Variants in NLRP5 observed in about 807,000 individuals in gnomAD.
NLRP5 encodes NACHT, LRR and PYD domains-containing protein 5.
A neutral mutation model predicts 113.1 loss-of-function variants in NLRP5; 93 were observed. The ratio of observed to expected loss-of-function variants is 0.82; its 90% CI spans 0.70 to 0.98. The LOEUF is 0.98. NLRP5 is among the 50% of genes least tolerant of loss of function. NLRP5 has a pLI of 0.00. For synonymous variants in NLRP5, 751 were observed against 600.7 expected (o/e 1.25, Z -3.66); for missense variants, 1,808 against 1,514.3 (o/e 1.19, Z -3.22).
chr19:55,990,703 T>G, the NLRP5 span, among the ~76,000 whole-genome samples: 1 of 152,044 alleles, frequency 6.6e-6, no homozygotes, highest in Admixed American at 6.6e-5. Context: ...TGGGCGCCTG[T>G]AGTCCCAGCT....
At chr19:56,059,977 C>T (rs762827094) in intron 14 of NLRP5, among the ~76,000 whole-genome samples, 1 of 151,902 alleles carries the variant, frequency 6.6e-6, no homozygotes, top group African/African-American at 2.4e-5. Context: ...TGTGGTAGAC[C>T]CTGGAATCAT....
chr19:56,005,703 C>T (rs1011772548), intron 2 of NLRP5, among the ~76,000 whole-genome samples: 1 of 152,190 alleles, frequency 6.6e-6, no homozygotes, highest in African/African-American at 2.4e-5. Context: ...GCATTAGCTG[C>T]AAAACGCTTC....
rs1251579019 is a variant in NLRP5 at position 56,030,711 on chromosome 19, C to CTTTTTTTT, written c.2277-1898_2277-1897insTTTTTTTT. Among the ~76,000 whole-genome samples, 417 of 47,660 alleles carry CTTTTTTTT rather than the reference C, an allele frequency of 8.7e-3. 34 individuals are homozygous for CTTTTTTTT. Among genetic ancestry groups the CTTTTTTTT allele is most frequent in the Non-Finnish European group, 9.2e-3 (291 of 31,754 alleles). The allele number at this position is 47,660 out of a possible 152,430, so 31.3% of individuals were successfully genotyped here. A position where few individuals can be genotyped will look rare whatever the true frequency, so the allele number is the denominator to read the frequency against. ...TATACTTACATTCATTCGCTTTCTT[C>CTTTTTTTT]TTCTTTTTTTTTTTTTTTTTTGAGA... On this transcript the variant is annotated intron_variant, in intron 7 of 14. Transcript: ENST00000390649.
chr19:56,058,427 T>A lies in NLRP5; in HGVS notation c.3470+17T>A. ...GATAATTGGGTAAGTCGCCAGCAATTGTCTTCTGAGATACAGACCTGCTTC... is the reference window on the plus strand; with the variant it reads ...GATAATTGGGTAAGTCGCCAGCAATAGTCTTCTGAGATACAGACCTGCTTC... On this transcript the variant is annotated intron_variant, in intron 14 of 14. Coordinates refer to ENST00000390649, the MANE Select transcript of NLRP5 (RefSeq NM_153447.4). 6.3e-7 allele frequency: 1 copy of A among 1,599,202 alleles called. No homozygotes were observed. Among genetic ancestry groups the A allele is most frequent in the Non-Finnish European group, 8.5e-7 (1 of 1,172,030 alleles).
chr19:56,015,330 G>C (rs1197207220), intron 3 of NLRP5, among the ~76,000 whole-genome samples: 1 of 152,008 alleles, frequency 6.6e-6, no homozygotes, highest in Non-Finnish European at 1.5e-5. Context: ...CAGTAGATGG[G>C]ATTACAGGCA....
At chr19:55,991,086 G>GT in the NLRP5 span, among the ~76,000 whole-genome samples, 1 of 152,178 alleles carries the variant, frequency 6.6e-6, no homozygotes, top group South Asian at 2.1e-4. Flanking sequence ...ATTTGCAGCA[G>GT]TTTTTTCAGC....
chr19:56,046,227 A>T (rs973018245), intron 11 of NLRP5, among the ~76,000 whole-genome samples: 1 of 152,014 alleles, frequency 6.6e-6, no homozygotes, highest in South Asian at 2.1e-4. Context: ...TTTTATTTTT[A>T]ATTCAGTTTA....
intron 6 of NLRP5, 74 bp from the exon 7 acceptor site, chr19:56,026,839 G>A (rs967480704): frequency 6.8e-6 from 10 of 1,464,316 alleles, no homozygotes; most frequent in Admixed American, 2.1e-5. Context: ...ACCTCCCACA[G>A]TGCTGGGATG....
chr19:56,007,891 G>GCA (rs1568483033), intron 2 of NLRP5, among the ~76,000 whole-genome samples: 34 of 39,822 alleles, frequency 8.5e-4, no homozygotes, highest in Admixed American at 4.4e-3. Context: ...GTGTGTGTGC[G>GCA]CGTGCGCGCG....
intron 9 of NLRP5, among the ~76,000 whole-genome samples, chr19:56,036,055 A>ATTTTTTTTTTTT (rs1261118713): frequency 2.2e-5 from 2 of 90,582 alleles, no homozygotes; most frequent in African/African-American, 9.8e-5. Flanking sequence ...ATGAATTGAG[A>ATTTTTTTTTTTT]TTCTTTTTTT....
At chr19:56,049,477 A>G (rs1309870866) in intron 11 of NLRP5, among the ~76,000 whole-genome samples, 1 of 151,920 alleles carries the variant, frequency 6.6e-6, no homozygotes, top group Non-Finnish European at 1.5e-5. Flanking sequence ...CACCGTGCCC[A>G]GCCTGTATTT....
intron 5 of NLRP5, among the ~76,000 whole-genome samples, chr19:56,019,763 A>G (rs1387182667): frequency 6.6e-6 from 1 of 152,100 alleles, no homozygotes; most frequent in African/African-American, 2.4e-5. Flanking sequence ...CTATCAACTA[A>G]TATGTACATG....
the NLRP5 span, among the ~76,000 whole-genome samples, chr19:55,990,742 A>G: frequency 2.0e-5 from 3 of 152,030 alleles, no homozygotes; most frequent in African/African-American, 7.2e-5. Flanking sequence ...GGAGAATGGC[A>G]GGAACCCGGG....
intron 3 of NLRP5, among the ~76,000 whole-genome samples, chr19:56,010,697 G>A (rs182824662): frequency 2.4e-5 from 3 of 126,266 alleles, no homozygotes; most frequent in Admixed American, 9.3e-5. Flanking sequence ...AGGTTGTGGT[G>A]AGCCACTGCA....
At chr19:55,987,889 C>T in the NLRP5 span, 1 of 1,613,848 alleles carries the variant, frequency 6.2e-7, no homozygotes, top group East Asian at 2.2e-5. Flanking sequence ...GAAAAAGTGA[C>T]TGCCTATCCC....
At chr19:56,055,655 C>T (rs145479613) in intron 13 of NLRP5, among the ~76,000 whole-genome samples, 15,282 of 149,424 alleles carry the variant, frequency 0.1, 838 homozygotes, top group African/African-American at 0.14. Flanking sequence ...ACCCCATTCT[C>T]CTGCCTCAGC....
Position 56,026,993 on chromosome 19 carries a change from G to GA in NLRP5, c.764dup (p.Asn255LysfsTer5), listed in dbSNP as rs1982880154. The stretch of plus-strand genomic sequence containing the variant: ...GGAGGAGGATGTACGTCGTAGTTTT[G>GA]AAAACACTGCTGCTGACTGGCCGGA... On this transcript the variant is annotated frameshift_variant, in exon 7 of 15. Transcript: ENST00000390649. LOFTEE classifies it high-confidence loss of function. The GA allele has an allele frequency of 6.4e-7, 1 of 1,551,670 alleles. No homozygotes were observed. The highest frequency in any genetic ancestry group is 8.7e-7 in the Non-Finnish European group (1 of 1,147,028).
At chr19:56,048,535 C>CT (rs372015817) in intron 11 of NLRP5, among the ~76,000 whole-genome samples, 100,370 of 151,512 alleles carry the variant, frequency 0.66, 33,819 homozygotes, top group Non-Finnish European at 0.7. Context: ...GTTCAAGGAA[C>CT]AAACAAGGGC....
In NLRP5 at chr19:56,033,537, T is replaced by C; in HGVS notation, c.2448-5T>C. 6.2e-7 allele frequency: 1 copy of C among 1,608,164 alleles called. No homozygotes were observed. Among genetic ancestry groups the C allele is most frequent in the Middle Eastern group, 1.7e-4 (1 of 6,036 alleles). ...GTCGAATGTGTCTCCCCTTCCCCAT[T>C]GCAGGTTTAGAAATGCACAGATTAC... On this transcript the variant is annotated splice_polypyrimidine_tract_variant and splice_region_variant and intron_variant, in intron 8 of 14. Coordinates refer to ENST00000390649, the MANE Select transcript of NLRP5 (RefSeq NM_153447.4).
Sources: allele counts gnomAD v4.1 joint callset (sites outside exome capture counted in the v4.1 genomes callset), GRCh38; gene constraint gnomAD v4.1.1; transcripts MANE v1.5; gene names NCBI Gene and HGNC (gene_info 2026-07-23, HGNC 2026-07-21).